Variants in UBE2H observed in about 807,000 individuals in gnomAD.
The protein encoded by UBE2H is ubiquitin-conjugating enzyme E2 H.
Under a neutral mutation model 29.0 loss-of-function variants are expected in UBE2H, and 3 were observed. The ratio of observed to expected loss-of-function variants is 0.10; its 90% CI spans 0.05 to 0.27. The LOEUF (loss-of-function observed/expected upper bound fraction) is 0.27. UBE2H is among the 10% of genes least tolerant of loss of function. UBE2H has a pLI of 1.00. For synonymous variants in UBE2H, 69 were observed against 82.9 expected (o/e 0.83, Z 0.91); for missense variants, 68 against 228.2 (o/e 0.30, Z 4.52).
In UBE2H at chr7:129,911,795, A is replaced by G. The variant is rs184348438; in HGVS notation, c.54-30824T>C. 5.6e-3 allele frequency among the ~76,000 whole-genome samples: 854 copies of G among 152,080 alleles called. 5 individuals carry two copies. The highest frequency in any genetic ancestry group is 9.3e-3 in the Non-Finnish European group (631 of 67,994). On this transcript the variant is annotated intron_variant, in intron 1 of 6. Coordinates refer to ENST00000355621, the MANE Select transcript of UBE2H (RefSeq NM_003344.4). ...TATGGGACTACAGGTGTGTGCCACC[A>G]TGCCTGGCTAATTCTTAAATTTTTC...
At chr7:129,863,783 A>G (rs887589098) in intron 3 of UBE2H, among the ~76,000 whole-genome samples, 1 of 151,278 alleles carries the variant, frequency 6.6e-6, no homozygotes, top group Non-Finnish European at 1.5e-5. Flanking sequence ...TTTCTAAACT[A>G]AAATGATCTC....
intron 1 of UBE2H, among the ~76,000 whole-genome samples, chr7:129,888,761 C>T (rs1051366669): frequency 5.9e-5 from 9 of 152,154 alleles, no homozygotes; most frequent in African/African-American, 2.2e-4. Flanking sequence ...AGGCATGAGC[C>T]ACCACGCCCA....
intron 1 of UBE2H, among the ~76,000 whole-genome samples, chr7:129,901,010 A>C (rs751456084): frequency 6.6e-6 from 1 of 152,112 alleles, no homozygotes; most frequent in Non-Finnish European, 1.5e-5. Flanking sequence ...TTGGCCTCCC[A>C]AAGTGCTGGG....
At chr7:129,856,432 G>T (rs1376459618) in intron 5 of UBE2H, among the ~76,000 whole-genome samples, 4 of 152,000 alleles carry the variant, frequency 2.6e-5, no homozygotes, top group Non-Finnish European at 5.9e-5. Context: ...ACACACACCC[G>T]ATAGCCCTTA....
chr7:129,939,127 T>C (rs998098091), intron 1 of UBE2H, among the ~76,000 whole-genome samples: 3 of 152,192 alleles, frequency 2.0e-5, no homozygotes, highest in Admixed American at 1.3e-4. Context: ...TCTGATCAAG[T>C]ACAATTCACA....
At chr7:129,898,658 GGA>G (rs1345773531) in intron 1 of UBE2H, among the ~76,000 whole-genome samples, 4 of 152,096 alleles carry the variant, frequency 2.6e-5, no homozygotes, top group African/African-American at 9.7e-5. Context: ...TTTGCACCAC[GGA>G]GACAAGTAGA....
At chr7:129,949,555 A>G (rs914584381) in intron 1 of UBE2H, among the ~76,000 whole-genome samples, 2 of 152,148 alleles carry the variant, frequency 1.3e-5, no homozygotes, top group African/African-American at 4.8e-5. Flanking sequence ...TTCAGAACAT[A>G]ATCACCCAGC....
At chr7:129,874,193 G>A (rs1002986984) in intron 3 of UBE2H, among the ~76,000 whole-genome samples, 2 of 151,838 alleles carry the variant, frequency 1.3e-5, no homozygotes, top group African/African-American at 4.8e-5. Flanking sequence ...GAATGCTAGT[G>A]TTTAAGTAAA....
At chr7:129,934,638 T>TTTA (rs1554440987) in intron 1 of UBE2H, among the ~76,000 whole-genome samples, 1 of 65,850 alleles carries the variant, frequency 1.5e-5, no homozygotes, top group Non-Finnish European at 2.9e-5. Flanking sequence ...ACTCCGTCTT[T>TTTA]AAAAAAAAAA....
chr7:129,855,072 G>T (rs1185492741), intron 5 of UBE2H, among the ~76,000 whole-genome samples: 1 of 152,222 alleles, frequency 6.6e-6, no homozygotes, highest in Non-Finnish European at 1.5e-5. Flanking sequence ...TGATGAAAAT[G>T]TTCTAAAATT....
chr7:129,915,238 A>T (rs147041865), intron 1 of UBE2H, among the ~76,000 whole-genome samples: 1 of 152,102 alleles, frequency 6.6e-6, no homozygotes, highest in Non-Finnish European at 1.5e-5. Flanking sequence ...TTCACACTTT[A>T]TTTAAATACT....
At chr7:129,917,810 T>C (rs1807074369) in intron 1 of UBE2H, among the ~76,000 whole-genome samples, 1 of 151,632 alleles carries the variant, frequency 6.6e-6, no homozygotes, top group Admixed American at 6.6e-5. Context: ...CCTACCTGCA[T>C]AGGATTCTCC....
chr7:129,861,914 C>T (rs56167610), intron 3 of UBE2H, among the ~76,000 whole-genome samples: 9,525 of 152,226 alleles, frequency 0.063, 370 homozygotes, highest in Non-Finnish European at 0.092. Flanking sequence ...TAGTATCAAA[C>T]ATTCTAAAAT....
chr7:129,924,579 T>A (rs1316991821), intron 1 of UBE2H, among the ~76,000 whole-genome samples: 1 of 150,756 alleles, frequency 6.6e-6, no homozygotes. Context: ...TAGAAGGCAA[T>A]ACCAGGTATA....
chr7:129,848,836 C>CTTTTTTTTTTTTTT lies in UBE2H; in HGVS notation c.298+8661_298+8674dup, dbSNP rs34279042. 4.7e-5 allele frequency among the ~76,000 whole-genome samples: 6 copies of CTTTTTTTTTTTTTT among 128,732 alleles called. 3 individuals carry two copies. The highest frequency in any genetic ancestry group is 6.4e-5 in the Non-Finnish European group (4 of 62,096). 84.5% of individuals were successfully genotyped at this position (128,732 alleles called of 152,430 possible). On this transcript the variant is annotated intron_variant, in intron 5 of 6. Coordinates refer to ENST00000355621, the MANE Select transcript of UBE2H (RefSeq NM_003344.4). ...TACTATATGCACAAAAACCAGGTAG[C>CTTTTTTTTTTTTTT]TTTTTTTTTTTTTTTTGGTAAGGCC...
At chr7:129,891,810 C>A (rs200423582) in intron 1 of UBE2H, among the ~76,000 whole-genome samples, 156 of 145,414 alleles carry the variant, frequency 1.1e-3, no homozygotes, top group African/African-American at 2.4e-3. Flanking sequence ...AAAACAAAAA[C>A]AAAAAAAAAA....
chr7:129,936,804 GAAAAAAAAAA>G (rs1171897255), intron 1 of UBE2H, among the ~76,000 whole-genome samples: 2 of 78,024 alleles, frequency 2.6e-5, no homozygotes, highest in Admixed American at 1.5e-4. Flanking sequence ...TCTCTACTAG[GAAAAAAAAAA>G]AAAAAAAAAA....
intron 1 of UBE2H, among the ~76,000 whole-genome samples, chr7:129,930,764 C>T (rs187754021): frequency 6.1e-4 from 93 of 151,244 alleles, no homozygotes; most frequent in African/African-American, 2.2e-3. Flanking sequence ...AAAAATTAGC[C>T]GGGCATGGTG....
intron 1 of UBE2H, among the ~76,000 whole-genome samples, chr7:129,903,765 GCA>G (rs775672891): frequency 5.9e-5 from 9 of 152,036 alleles, no homozygotes; most frequent in Non-Finnish European, 1.0e-4. Flanking sequence ...AACTAGCTGA[GCA>G]CAGTGTTACA....
Sources: allele counts gnomAD v4.1 joint callset (sites outside exome capture counted in the v4.1 genomes callset), GRCh38; gene constraint gnomAD v4.1.1; transcripts MANE v1.5; gene names NCBI Gene and HGNC (gene_info 2026-07-23, HGNC 2026-07-21).